The following EPHB2 variants were observed in gnomAD, a reference collection of about 807,000 sequenced individuals.
The protein encoded by EPHB2 is EPH receptor B2.
EPHB2 carries 18 observed loss-of-function variants against 96.4 expected under a neutral mutation model. The observed-to-expected ratio is 0.19, with a 90% CI of 0.13 to 0.28. The LOEUF (loss-of-function observed/expected upper bound fraction) is 0.28. Ranked by LOEUF, EPHB2 falls within the 10% of genes least tolerant of loss-of-function variation. EPHB2 has a pLI of 1.00. For synonymous variants in EPHB2, 506 were observed against 534.1 expected (o/e 0.95, Z 0.72); for missense variants, 989 against 1,355.4 (o/e 0.73, Z 4.25).
chr1:22,775,532 C>G (rs1431183049), intron 1 of EPHB2, among the ~76,000 whole-genome samples: 1 of 152,278 alleles, frequency 6.6e-6, no homozygotes, highest in Non-Finnish European at 1.5e-5. Context: ...CCGCTCCAGC[C>G]TGAGAGCAGG....
Position 22,913,102 on chromosome 1 carries a change from G to T in EPHB2, c.2853-360G>T. ...CAGCTACTCGGGAGGCTGAGGCAGG[G>T]GAATTGCTTGAACCAAGGAGGTAGA... On this transcript the variant is annotated intron_variant, in intron 15 of 15. Coordinates refer to ENST00000374630, the MANE Select transcript of EPHB2 (RefSeq NM_017449.5). This position sits in a 1 kb window ranked among gnomAD's most constrained non-coding sequence, Gnocchi z 4.1. 1 of 371,622 alleles carries T rather than the reference G, an allele frequency of 2.7e-6. No homozygotes were observed. Among genetic ancestry groups the T allele is most frequent in the East Asian group, 6.4e-5 (1 of 15,572 alleles). 23.0% of individuals were successfully genotyped at this position (371,622 alleles called of 1,614,324 possible).
At chr1:22,798,158 G>T (rs1177807039) in intron 3 of EPHB2, among the ~76,000 whole-genome samples, 1 of 152,148 alleles carries the variant, frequency 6.6e-6, no homozygotes, top group East Asian at 1.9e-4. Flanking sequence ...CTCACAGAAG[G>T]TTCTCAATAA....
intron 3 of EPHB2, among the ~76,000 whole-genome samples, chr1:22,813,860 C>A (rs537781969): frequency 1.3e-5 from 2 of 152,212 alleles, no homozygotes; most frequent in South Asian, 2.1e-4. Flanking sequence ...AGACCACACC[C>A]CTGTATCTGA....
chr1:22,746,707 C>T (rs377727365), intron 1 of EPHB2, among the ~76,000 whole-genome samples: 6 of 152,330 alleles, frequency 3.9e-5, no homozygotes, highest in East Asian at 3.9e-4. Flanking sequence ...TCCTTCTGCA[C>T]GGGAGGCCTC....
At chr1:22,739,777 A>G (rs922123605) in intron 1 of EPHB2, among the ~76,000 whole-genome samples, 2 of 152,252 alleles carry the variant, frequency 1.3e-5, no homozygotes, top group East Asian at 3.9e-4. Context: ...GCAGCAGCCC[A>G]GAAGCTGGGA....
intron 1 of EPHB2, among the ~76,000 whole-genome samples, chr1:22,753,254 C>T (rs955268719): frequency 6.6e-6 from 1 of 152,206 alleles, no homozygotes; most frequent in Non-Finnish European, 1.5e-5. Context: ...AAGTTGCTTT[C>T]ACTCTCTGAC....
chr1:22,745,891 T>C (rs1321095791), intron 1 of EPHB2, among the ~76,000 whole-genome samples: 1 of 152,076 alleles, frequency 6.6e-6, no homozygotes, highest in Admixed American at 6.5e-5. Flanking sequence ...TCTGTGACAA[T>C]CTGCAGCTTA....
chr1:22,778,961 T>A (rs1644490994), intron 1 of EPHB2, among the ~76,000 whole-genome samples: 1 of 152,168 alleles, frequency 6.6e-6, no homozygotes, highest in African/African-American at 2.4e-5. Flanking sequence ...AGCCCAGGAA[T>A]CTAGCCAAGG....
intron 1 of EPHB2, among the ~76,000 whole-genome samples, chr1:22,760,738 C>T (rs559556357): frequency 1.3e-5 from 2 of 152,190 alleles, no homozygotes; most frequent in Non-Finnish European, 2.9e-5. Context: ...TAACCCATTT[C>T]TCTCCTCTGC....
At chr1:22,764,821 T>G (rs1570238532) in intron 1 of EPHB2, among the ~76,000 whole-genome samples, 3 of 151,932 alleles carry the variant, frequency 2.0e-5, no homozygotes, top group Admixed American at 2.0e-4. Flanking sequence ...ATTTCCCTGG[T>G]GTTTGGACCT....
Position 22,864,923 on chromosome 1 carries a change from C to A in EPHB2, c.1014C>A (p.Thr338=). The A allele has an allele frequency of 6.2e-7, 1 of 1,607,714 alleles. No individual in the cohort carries two copies. Among genetic ancestry groups the A allele is most frequent in the Non-Finnish European group, 8.5e-7 (1 of 1,176,984 alleles). ...PQAVISSVNE[T]SLMLEWTPPR... is the part of the protein sequence containing the mutation. ...CTGTGATTTCCAGTGTCAATGAGAC[C>A]TCCCTCATGCTGGAGTGGACCCCTC... Residue 338 remains threonine, a synonymous_variant, in exon 5 of 16, where the codon ACC becomes ACA. Transcript: ENST00000374630.
At chr1:22,909,904 GC>G (rs1640038416) in intron 13 of EPHB2, among the ~76,000 whole-genome samples, 1 of 152,182 alleles carries the variant, frequency 6.6e-6, no homozygotes, top group African/African-American at 2.4e-5. Context: ...GTGGGAGGGA[GC>G]CCCAGCCAGG....
chr1:22,912,263 C>T lies in EPHB2; in HGVS notation c.2697-181C>T, dbSNP rs1250166104. Among the ~76,000 whole-genome samples, 5 of 152,214 alleles carry T rather than the reference C, an allele frequency of 3.3e-5. No individual in the cohort carries two copies. In the East Asian group the frequency reaches 9.6e-4, roughly 29 times the overall value. On this transcript the variant is annotated intron_variant, in intron 14 of 15. Transcript: ENST00000374630. ...TCACATATATATGCGTGCATGTTTC[C>T]ACAGGTTCAAACCCATGCCCGCAAT...
intron 1 of EPHB2, among the ~76,000 whole-genome samples, chr1:22,731,904 C>T (rs72879171): frequency 0.016 from 2,478 of 152,288 alleles, 58 homozygotes; most frequent in African/African-American, 0.053. Flanking sequence ...GAAGCCAGGG[C>T]CGGAATGCTT....
chr1:22,804,365 C>T (rs1363770311), intron 3 of EPHB2, among the ~76,000 whole-genome samples: 1 of 152,114 alleles, frequency 6.6e-6, no homozygotes, highest in Non-Finnish European at 1.5e-5. Context: ...TCTGCACCAC[C>T]CCCCATCCTG....
At chr1:22,890,780 A>G (rs796984022) in intron 6 of EPHB2, among the ~76,000 whole-genome samples, 14 of 152,170 alleles carry the variant, frequency 9.2e-5, no homozygotes, top group African/African-American at 2.4e-4. Context: ...ACAAGATCTG[A>G]TGGTTTTATA....
chr1:22,864,861 C>G lies in EPHB2; in HGVS notation c.968-16C>G. On this transcript the variant is annotated splice_polypyrimidine_tract_variant and intron_variant, in intron 4 of 15. Transcript: ENST00000374630. ...CCCTGAGCCCCCCACTGACCAACAC[C>G]TCTCCCCCGCCCCAGCCATCCCCTC... 6.3e-7 allele frequency: 1 copy of G among 1,584,904 alleles called. No homozygotes were observed. The highest frequency in any genetic ancestry group is 8.6e-7 in the Non-Finnish European group (1 of 1,161,504).
At chr1:22,725,335 TTGGCTGGC>T (rs1386525389) in intron 1 of EPHB2, among the ~76,000 whole-genome samples, 1 of 152,024 alleles carries the variant, frequency 6.6e-6, no homozygotes, top group Non-Finnish European at 1.5e-5. Flanking sequence ...TGGTTGATGG[TTGGCTGGC>T]TGGCTGGATA....
intron 6 of EPHB2, among the ~76,000 whole-genome samples, chr1:22,892,082 C>A (rs1557739225): frequency 6.6e-6 from 1 of 151,910 alleles, no homozygotes; most frequent in Admixed American, 6.6e-5. Flanking sequence ...CAGGTGTGAG[C>A]CACCGTATCC....
Sources: gnomAD v4.1 joint callset for allele counts (sites outside exome capture counted in the v4.1 genomes callset) on GRCh38, gnomAD v4.1.1 for gene constraint, Gnocchi (gnomAD v3.1) non-coding constraint, MANE v1.5 for transcripts, NCBI Gene and HGNC (gene_info 2026-07-23, HGNC 2026-07-21) for gene names.